TANC1: variants seen among roughly 807,000 people sequenced by gnomAD.
TANC1 encodes the protein tetratricopeptide repeat, ankyrin repeat and coiled-coil containing 1.
In TANC1, 77 loss-of-function variants were observed where a neutral mutation model predicts 149.7. That is an observed-to-expected ratio of 0.51 (90% CI 0.43 to 0.62). TANC1 has a LOEUF of 0.62. TANC1 is among the 20% of genes least tolerant of loss of function. The probability of loss-of-function intolerance (pLI) is 0.00; values close to 1 mark genes in which losing one functional copy is unlikely to be tolerated. For synonymous variants in TANC1, 854 were observed against 925.0 expected (o/e 0.92, Z 1.39); for missense variants, 1,985 against 2,321.8 (o/e 0.85, Z 2.98).
At chr2:159,130,527 A>C (rs1021378328) in intron 4 of TANC1, among the ~76,000 whole-genome samples, 2 of 151,960 alleles carry the variant, frequency 1.3e-5, no homozygotes. Flanking sequence ...TTGTGGTTTA[A>C]TAGGTGGTCA....
At chr2:158,976,336 C>T (rs2033666682) in intron 1 of TANC1, among the ~76,000 whole-genome samples, 1 of 152,166 alleles carries the variant, frequency 6.6e-6, no homozygotes, top group African/African-American at 2.4e-5. Flanking sequence ...GGGCCTTTTA[C>T]AACCTGGTGG....
At chr2:159,101,724 C>A (rs1440714584) in intron 4 of TANC1, among the ~76,000 whole-genome samples, 1 of 152,134 alleles carries the variant, frequency 6.6e-6, no homozygotes, top group Non-Finnish European at 1.5e-5. Flanking sequence ...AAGCTCATTT[C>A]CTGTGATTTA....
In TANC1 at chr2:159,097,817, T is replaced by G; in HGVS notation, c.242T>G (p.Val81Gly). The G allele has an allele frequency of 1.2e-6, 2 of 1,612,324 alleles. No individual in the cohort carries two copies. The highest frequency in any genetic ancestry group is 1.7e-6 in the Non-Finnish European group (2 of 1,178,884). ...PRQSHLVQSR[V>G]NKKSPGPVRK... is the part of the protein sequence containing the mutation. ...CAGTCTCACTTGGTGCAATCAAGAGTGAACAAAAAATCCCCAGGTAAACAG... is the reference window on the plus strand; with the variant it reads ...CAGTCTCACTTGGTGCAATCAAGAGGGAACAAAAAATCCCCAGGTAAACAG... The change falls in exon 4 of 27, where the codon GTG becomes GGG. Residue 81 changes from valine to glycine, a missense_variant. Val to Gly is a moderately radical substitution (Grantham distance 109). Around this residue, in one of 3 missense-constraint regions of TANC1, gnomAD observed 557 missense variants for 612.9 expected, o/e 0.91. Transcript: ENST00000263635.
chr2:159,212,358 T>C (rs539486582), intron 19 of TANC1, among the ~76,000 whole-genome samples: 1 of 152,302 alleles, frequency 6.6e-6, no homozygotes, highest in Non-Finnish European at 1.5e-5. Context: ...CAGCAGCAGA[T>C]CCAGGTAGTG....
chr2:159,113,236 G>T (rs940835593), intron 4 of TANC1, among the ~76,000 whole-genome samples: 1 of 152,148 alleles, frequency 6.6e-6, no homozygotes, highest in Non-Finnish European at 1.5e-5. Context: ...GGGATTATGG[G>T]CATGAGAAGT....
intron 1 of TANC1, among the ~76,000 whole-genome samples, chr2:158,991,088 TG>T (rs2035575567): frequency 1.2e-5 from 1 of 84,016 alleles, no homozygotes; most frequent in Non-Finnish European, 2.2e-5. Context: ...CCAGATCCTG[TG>T]TCAAAAAAAA....
At chr2:159,211,957 A>G (rs57579977) in intron 19 of TANC1, among the ~76,000 whole-genome samples, 4,132 of 152,206 alleles carry the variant, frequency 0.027, 91 homozygotes, top group South Asian at 0.05. Flanking sequence ...GGGGTGGCGC[A>G]CTCGCCCCTT....
intron 19 of TANC1, among the ~76,000 whole-genome samples, chr2:159,211,543 C>T (rs1477418370): frequency 1.3e-5 from 2 of 152,212 alleles, no homozygotes; most frequent in Non-Finnish European, 2.9e-5. Flanking sequence ...CAGAGGTCGG[C>T]CTTTGCAGCA....
chr2:159,223,900 T>C (rs959743229), intron 22 of TANC1, among the ~76,000 whole-genome samples: 2 of 152,140 alleles, frequency 1.3e-5, no homozygotes, highest in African/African-American at 2.4e-5. Flanking sequence ...CCTACTTCAT[T>C]GGAGATGCAA....
At chr2:159,015,767 A>G (rs180980167) in intron 2 of TANC1, among the ~76,000 whole-genome samples, 1 of 152,336 alleles carries the variant, frequency 6.6e-6, no homozygotes, top group African/African-American at 2.4e-5. Context: ...AAATGCTGCC[A>G]GTCTCTTTGC....
intron 4 of TANC1, among the ~76,000 whole-genome samples, chr2:159,105,829 T>C (rs1248650446): frequency 6.6e-6 from 1 of 152,230 alleles, no homozygotes; most frequent in Non-Finnish European, 1.5e-5. Context: ...GTAGATGAAT[T>C]ATTATATTCT....
chr2:159,095,581 C>A (rs916560027), intron 3 of TANC1, among the ~76,000 whole-genome samples: 11 of 151,848 alleles, frequency 7.2e-5, no homozygotes, highest in African/African-American at 2.7e-4. Context: ...ACTAAAAATA[C>A]AAAGATTAGC....
At chr2:159,147,503 C>G (rs115218217) in intron 5 of TANC1, 1 of 152,328 alleles carries the variant, frequency 6.6e-6, no homozygotes, top group African/African-American at 2.4e-5. Context: ...GTTTGGTTCC[C>G]GCCCTCCTTT....
chr2:159,105,026 G>C (rs1397444258), intron 4 of TANC1, among the ~76,000 whole-genome samples: 1 of 77,488 alleles, frequency 1.3e-5, no homozygotes, highest in African/African-American at 5.0e-5. Context: ...ATGGAGTCTC[G>C]CTCTATTGCC....
At chr2:159,155,536 G>GT (rs2053335097) in intron 7 of TANC1, among the ~76,000 whole-genome samples, 1 of 152,186 alleles carries the variant, frequency 6.6e-6, no homozygotes, top group South Asian at 2.1e-4. Context: ...TCCCCAGCTG[G>GT]GTGTGTCTGC....
chr2:159,139,833 GGTCTTTAGTTATAT>G (rs2051166265), intron 5 of TANC1, among the ~76,000 whole-genome samples: 1 of 152,070 alleles, frequency 6.6e-6, no homozygotes, highest in South Asian at 2.1e-4. Flanking sequence ...GGGAGGAGAG[GGTCTTTAGTTATAT>G]GCTTAAGTAA....
chr2:159,210,505 A>C (rs1310760038), intron 19 of TANC1, among the ~76,000 whole-genome samples: 1 of 152,190 alleles, frequency 6.6e-6, no homozygotes, highest in Non-Finnish European at 1.5e-5. Flanking sequence ...TTTATGGTGC[A>C]AAAAGCTCTC....
At chr2:159,210,956 C>T (rs1216519776) in intron 19 of TANC1, among the ~76,000 whole-genome samples, 3 of 152,042 alleles carry the variant, frequency 2.0e-5, no homozygotes, top group Non-Finnish European at 4.4e-5. Context: ...ACTGCAACCT[C>T]CGCCTCCCAG....
rs565934209 is a variant in TANC1 at position 159,216,647 on chromosome 2, G to A, written c.3245-850G>A. Among the ~76,000 whole-genome samples, 26 of 152,238 alleles carry A rather than the reference G, an allele frequency of 1.7e-4. 1 individual carries two copies. In the South Asian group the frequency reaches 2.9e-3, roughly 17 times the overall value. On this transcript the variant is annotated intron_variant, in intron 19 of 26. Coordinates refer to ENST00000263635, the MANE Select transcript of TANC1 (RefSeq NM_033394.3). Reference sequence around the variant, plus strand: ...GAGGGTGTCGTGAGTACCCCGCCTCGTTGTCCTTTCTCCTTGCATGCCATT... The same window carrying A: ...GAGGGTGTCGTGAGTACCCCGCCTCATTGTCCTTTCTCCTTGCATGCCATT...
Sources: allele counts gnomAD v4.1 joint callset (sites outside exome capture counted in the v4.1 genomes callset), GRCh38; gene constraint gnomAD v4.1.1; regional missense constraint gnomAD v4.1.1; transcripts MANE v1.5; gene names NCBI Gene and HGNC (gene_info 2026-07-23, HGNC 2026-07-21).